The following TAS2R1 variants were observed in gnomAD, a reference collection of about 807,000 sequenced individuals.
TAS2R1 encodes taste receptor type 2 member 1.
For synonymous variants in TAS2R1, 141 were observed against 134.2 expected (o/e 1.05, Z -0.35); for missense variants, 370 against 353.4 (o/e 1.05, Z -0.38).
At chr5:9,703,492 C>A (rs1261399106) in intron 1 of TAS2R1, among the ~76,000 whole-genome samples, 1 of 152,074 alleles carries the variant, frequency 6.6e-6, no homozygotes, top group Admixed American at 6.6e-5. Flanking sequence ...GAAGGAGCAA[C>A]AGGGCCACAT....
the TAS2R1 span, among the ~76,000 whole-genome samples, chr5:9,891,448 CTGCCA>C: frequency 2.0e-5 from 3 of 152,064 alleles, no homozygotes; most frequent in African/African-American, 7.2e-5. Context: ...TGGTAAGTAT[CTGCCA>C]ACATAACTCA....
At chr5:9,779,487 T>C in the TAS2R1 span, among the ~76,000 whole-genome samples, 3 of 152,238 alleles carry the variant, frequency 2.0e-5, no homozygotes. Flanking sequence ...TCCTGTCACT[T>C]GAACACTTAG....
intron 1 of TAS2R1, among the ~76,000 whole-genome samples, chr5:9,697,167 C>A (rs986453917): frequency 1.3e-5 from 2 of 151,716 alleles, no homozygotes; most frequent in African/African-American, 4.8e-5. Flanking sequence ...CTGAAAGACA[C>A]CTTTTTTGTT....
At chr5:9,746,230 C>T in the TAS2R1 span, among the ~76,000 whole-genome samples, 1 of 152,168 alleles carries the variant, frequency 6.6e-6, no homozygotes, top group Non-Finnish European at 1.5e-5. Flanking sequence ...CATCTCATGC[C>T]AGTTAGAATG....
At chr5:9,632,234 A>C (rs1457946330), upstream of TAS2R1, among the ~76,000 whole-genome samples, 1 of 152,242 alleles carries the variant, frequency 6.6e-6, no homozygotes, top group Non-Finnish European at 1.5e-5. Flanking sequence ...TTAAGTGTGC[A>C]ATAGCACTAT....
intron 1 of TAS2R1, among the ~76,000 whole-genome samples, chr5:9,691,561 T>A (rs757810592): frequency 9.9e-5 from 15 of 152,244 alleles, no homozygotes; most frequent in Non-Finnish European, 1.5e-4. Flanking sequence ...CAGATGAGCA[T>A]GCCCTTATTT....
intron 1 of TAS2R1, among the ~76,000 whole-genome samples, chr5:9,690,479 T>C (rs1741219509): frequency 6.6e-6 from 1 of 152,074 alleles, no homozygotes; most frequent in African/African-American, 2.4e-5. Flanking sequence ...TTTTGCCTTA[T>C]CAGTTACTTA....
intron 1 of TAS2R1, among the ~76,000 whole-genome samples, chr5:9,678,725 G>A (rs1033818644): frequency 6.6e-6 from 1 of 152,130 alleles, no homozygotes; most frequent in Non-Finnish European, 1.5e-5. Flanking sequence ...AACGGGAGCT[G>A]ACCGATGAGA....
chr5:9,795,899 C>T, the TAS2R1 span, among the ~76,000 whole-genome samples: 9 of 152,130 alleles, frequency 5.9e-5, no homozygotes, highest in African/African-American at 2.2e-4. Flanking sequence ...CAGCTTCCAT[C>T]CTATTCTCTA....
chr5:9,672,099 T>C (rs548379448), intron 1 of TAS2R1, among the ~76,000 whole-genome samples: 2 of 152,298 alleles, frequency 1.3e-5, no homozygotes, highest in South Asian at 4.1e-4. Flanking sequence ...TGTAGAAGAT[T>C]GATGCCGGAC....
chr5:9,641,624 C>T (rs1740087495), intron 2 of TAS2R1: 1 of 152,212 alleles, frequency 6.6e-6, no homozygotes, highest in African/African-American at 2.4e-5. Context: ...GGGTGAAGAC[C>T]CCCAAGGACA....
At chr5:9,645,710 T>C (rs1740171964) in intron 2 of TAS2R1, 1 of 152,204 alleles carries the variant, frequency 6.6e-6, no homozygotes, top group Non-Finnish European at 1.5e-5. Context: ...CCAAAACTTC[T>C]CACTGGGCAG....
At chr5:9,754,835 T>A in the TAS2R1 span, among the ~76,000 whole-genome samples, 2 of 152,144 alleles carry the variant, frequency 1.3e-5, no homozygotes, top group African/African-American at 4.8e-5. Context: ...AATTTATAGA[T>A]TCAATGCCAT....
the TAS2R1 span, among the ~76,000 whole-genome samples, chr5:9,897,088 C>G: frequency 6.6e-6 from 1 of 152,206 alleles, no homozygotes; most frequent in African/African-American, 2.4e-5. Flanking sequence ...ATGATCTTAA[C>G]TTTTCCTCCA....
Position 9,630,015 on chromosome 5 carries a change from G to A in TAS2R1, c.18C>T (p.Leu6=). The A allele has an allele frequency of 6.3e-7, 1 of 1,576,050 alleles. No individual in the cohort carries two copies. Among genetic ancestry groups the A allele is most frequent in the Non-Finnish European group, 8.6e-7 (1 of 1,165,806 alleles). The change falls in exon 1 of 1, where the codon CTC becomes CTT. Residue 6 remains leucine, a synonymous_variant. Transcript: ENST00000382492. ...TCACTGCAAGAAGAAAATAGATAAT[G>A]AGGTGAGACTCTAGCATTTTAGGAA... is the stretch of plus-strand genomic sequence containing the variant. MLESH[L]IIYFLLAVIQ...
chr5:9,793,058 C>T, the TAS2R1 span, among the ~76,000 whole-genome samples: 3 of 152,314 alleles, frequency 2.0e-5, no homozygotes, highest in South Asian at 6.2e-4. Flanking sequence ...CTCAAGTCCA[C>T]CTATACATAG....
chr5:9,778,203 A>T, the TAS2R1 span, among the ~76,000 whole-genome samples: 1 of 152,210 alleles, frequency 6.6e-6, no homozygotes, highest in African/African-American at 2.4e-5. Context: ...TTTGCTGGTG[A>T]GTAGTAATAT....
intron 1 of TAS2R1, among the ~76,000 whole-genome samples, chr5:9,706,481 A>G (rs1167658252): frequency 1.3e-5 from 2 of 152,252 alleles, no homozygotes; most frequent in African/African-American, 4.8e-5. Context: ...GCTCTGTCCT[A>G]TTCTGAGCAA....
At chr5:9,900,061 A>C in the TAS2R1 span, among the ~76,000 whole-genome samples, 1 of 152,238 alleles carries the variant, frequency 6.6e-6, no homozygotes, top group Non-Finnish European at 1.5e-5. Context: ...GTTTAGTTTC[A>C]TAAGGGCAGT....
Sources: gnomAD v4.1 joint callset for allele counts (sites outside exome capture counted in the v4.1 genomes callset) on GRCh38, gnomAD v4.1.1 for gene constraint, MANE v1.5 for transcripts, NCBI Gene and HGNC (gene_info 2026-07-23, HGNC 2026-07-21) for gene names.